The following PTPRN2 variants were observed in gnomAD, a reference collection of about 807,000 sequenced individuals.
The protein encoded by PTPRN2 is receptor-type tyrosine-protein phosphatase N2.
PTPRN2 carries 74 observed loss-of-function variants against 118.8 expected under a neutral mutation model. The ratio of observed to expected loss-of-function variants is 0.62; its 90% confidence interval spans 0.52 to 0.76. The LOEUF (loss-of-function observed/expected upper bound fraction) is 0.76, where lower values mean the gene tolerates loss of function less well. PTPRN2 is among the 30% of genes least tolerant of loss of function. PTPRN2 has a pLI of 0.00. For synonymous variants in PTPRN2, 641 were observed against 608.0 expected (o/e 1.05, Z -0.80); for missense variants, 1,481 against 1,394.4 (o/e 1.06, Z -0.99).
chr7:158,387,688 T>A (rs1811597922), intron 2 of PTPRN2, among the ~76,000 whole-genome samples: 1 of 149,932 alleles, frequency 6.7e-6, no homozygotes, highest in Non-Finnish European at 1.5e-5. Flanking sequence ...TTAAAGGCAA[T>A]GGTGCTGGAT....
At chr7:158,473,816 A>T (rs549701107) in intron 2 of PTPRN2, among the ~76,000 whole-genome samples, 1 of 152,326 alleles carries the variant, frequency 6.6e-6, no homozygotes, top group East Asian at 1.9e-4. Flanking sequence ...AAGGTTGGCT[A>T]TAAATAGCTT....
chr7:157,651,512 T>C (rs893688981), intron 14 of PTPRN2, among the ~76,000 whole-genome samples: 1 of 152,194 alleles, frequency 6.6e-6, no homozygotes, highest in African/African-American at 2.4e-5. Flanking sequence ...AAAAACGTTC[T>C]CTAGCCTTTA....
intron 11 of PTPRN2, among the ~76,000 whole-genome samples, chr7:157,940,066 A>T (rs1799951955): frequency 6.6e-6 from 1 of 152,174 alleles, no homozygotes; most frequent in Non-Finnish European, 1.5e-5. Flanking sequence ...GAGAGCAGAG[A>T]GGCCCCCGTT....
intron 2 of PTPRN2, among the ~76,000 whole-genome samples, chr7:158,334,566 T>TGTCGCCCGCAGAGGTCA (rs1805208792): frequency 9.9e-6 from 1 of 101,134 alleles, no homozygotes; most frequent in Admixed American, 9.7e-5. Flanking sequence ...CCATAAGAGC[T>TGTCGCCCGCAGAGGTCA]CTCGCCCACA....
chr7:158,489,751 G>A lies in PTPRN2; in HGVS notation c.147C>T (p.Ser49=), dbSNP rs751259187. 6 of 1,583,710 alleles carry A rather than the reference G, an allele frequency of 3.8e-6. No homozygotes were observed. Among genetic ancestry groups the A allele is most frequent in the Non-Finnish European group, 2.6e-6 (3 of 1,166,228 alleles). The change falls in exon 2 of 23, where the codon TCC becomes TCT. Residue 49 remains serine, a synonymous_variant. Transcript: ENST00000389418. ...CLLEEGLCGA[S]EACVNDGVFG... ...CACACTCACCGTTCACACAGGCCTCGGACGCTCCGCAGAGGCCCTCCTCGA... is the reference window on the plus strand; with the variant it reads ...CACACTCACCGTTCACACAGGCCTCAGACGCTCCGCAGAGGCCCTCCTCGA...
In PTPRN2 at chr7:157,595,107, C is replaced by A. The variant is rs529944794; in HGVS notation, c.2496+131G>T. Reference sequence around the variant, plus strand: ...TAAAAAATATGAACAGACTGAAATTCTGATATAAGTAACATTTGATGAGCA... The same window carrying A: ...TAAAAAATATGAACAGACTGAAATTATGATATAAGTAACATTTGATGAGCA... On this transcript the variant is annotated intron_variant, in intron 17 of 22. Transcript: ENST00000389418. 9.4e-5 allele frequency: 77 copies of A among 815,294 alleles called. No individual in the cohort carries two copies. In the East Asian group the frequency reaches 1.7e-3, roughly 18 times the overall value. 50.5% of individuals were successfully genotyped at this position (815,294 alleles called of 1,614,324 possible). A position where few individuals can be genotyped will look rare whatever the true frequency, so the allele number is the denominator to read the frequency against.
chr7:158,402,633 C>T (rs1157123018), intron 2 of PTPRN2, among the ~76,000 whole-genome samples: 6 of 152,242 alleles, frequency 3.9e-5, no homozygotes, highest in East Asian at 1.9e-4. Flanking sequence ...TCCAATGCAG[C>T]TGTCCATGCG....
intron 2 of PTPRN2, among the ~76,000 whole-genome samples, chr7:158,339,927 AC>A (rs1563172704): frequency 9.9e-6 from 1 of 101,152 alleles, no homozygotes; most frequent in Non-Finnish European, 2.1e-5. Context: ...CCACACTCTC[AC>A]CATAAGAGCT....
chr7:158,268,283 A>G (rs1798018215), intron 3 of PTPRN2, among the ~76,000 whole-genome samples: 1 of 147,914 alleles, frequency 6.8e-6, no homozygotes, highest in African/African-American at 2.5e-5. Flanking sequence ...ATCCCAGCCC[A>G]GACGCGTGCA....
chr7:157,976,447 A>C (rs1347115658), intron 11 of PTPRN2, among the ~76,000 whole-genome samples: 2 of 148,464 alleles, frequency 1.3e-5, no homozygotes, highest in African/African-American at 4.9e-5. Flanking sequence ...ATGGGTTAAA[A>C]TCCAGATGCA....
At chr7:157,712,296 G>C (rs1798685056) in intron 12 of PTPRN2, among the ~76,000 whole-genome samples, 1 of 152,192 alleles carries the variant, frequency 6.6e-6, no homozygotes, top group Admixed American at 6.5e-5. Context: ...TGAGCTCTTA[G>C]AGTACAAACT....
intron 1 of PTPRN2, among the ~76,000 whole-genome samples, chr7:158,581,827 G>T (rs946090529): frequency 6.6e-6 from 1 of 152,238 alleles, no homozygotes; most frequent in Non-Finnish European, 1.5e-5. Context: ...CACAGAAGCC[G>T]TTCAAGACAA....
At chr7:157,772,950 G>T (rs1392867628) in intron 12 of PTPRN2, among the ~76,000 whole-genome samples, 1 of 152,188 alleles carries the variant, frequency 6.6e-6, no homozygotes, top group African/African-American at 2.4e-5. Flanking sequence ...GACTCCGGGT[G>T]TACACTGGGT....
At chr7:157,968,449 G>A (rs1299545126) in intron 11 of PTPRN2, among the ~76,000 whole-genome samples, 1 of 152,196 alleles carries the variant, frequency 6.6e-6, no homozygotes, top group Admixed American at 6.5e-5. Context: ...TTGCTGCAAA[G>A]TGAGTTGTGA....
At chr7:157,626,731 A>T (rs1260014485) in intron 14 of PTPRN2, among the ~76,000 whole-genome samples, 4 of 152,186 alleles carry the variant, frequency 2.6e-5, no homozygotes, top group Non-Finnish European at 5.9e-5. Flanking sequence ...TCTGTGGAAT[A>T]ATAATGCATA....
chr7:158,108,131 C>A (rs1815835874), intron 10 of PTPRN2, among the ~76,000 whole-genome samples: 1 of 152,068 alleles, frequency 6.6e-6, no homozygotes, highest in African/African-American at 2.4e-5. Flanking sequence ...CCCACTGCAG[C>A]CCTGAGTACG....
chr7:158,005,936 A>G (rs962490764), intron 11 of PTPRN2, among the ~76,000 whole-genome samples: 1 of 152,252 alleles, frequency 6.6e-6, no homozygotes, highest in Non-Finnish European at 1.5e-5. Flanking sequence ...CATGAAGGAA[A>G]GTAAAACCTT....
chr7:158,163,264 C>T (rs1480152375), intron 6 of PTPRN2, among the ~76,000 whole-genome samples: 3 of 149,568 alleles, frequency 2.0e-5, no homozygotes, highest in Non-Finnish European at 3.0e-5. Flanking sequence ...TCTTAGGTGA[C>T]GCCTGTACGG....
At chr7:158,365,657 G>GTGCATA (rs1809382496) in intron 2 of PTPRN2, among the ~76,000 whole-genome samples, 1 of 138,552 alleles carries the variant, frequency 7.2e-6, no homozygotes, top group African/African-American at 3.1e-5. Flanking sequence ...CAATGCACAC[G>GTGCATA]CACACACACA....
Sources: allele counts gnomAD v4.1 joint callset (sites outside exome capture counted in the v4.1 genomes callset), GRCh38; gene constraint gnomAD v4.1.1; transcripts MANE v1.5; gene names NCBI Gene and HGNC (gene_info 2026-07-23, HGNC 2026-07-21).